Variants in MTTP observed in about 807,000 individuals in gnomAD.
MTTP encodes the protein microsomal triglyceride transfer protein large subunit.
A neutral mutation model predicts 90.6 loss-of-function variants in MTTP; 49 were observed. The observed-to-expected ratio is 0.54, with a 90% CI of 0.43 to 0.69. The LOEUF is 0.69. Among genes scored for constraint, MTTP ranks in the 30% least tolerant of loss-of-function variants. MTTP has a pLI of 0.00. For synonymous variants in MTTP, 347 were observed against 384.2 expected (o/e 0.90, Z 1.13); for missense variants, 945 against 1,067.5 (o/e 0.89, Z 1.60).
chr4:99,583,853 A>G (rs78395459), intron 3 of MTTP: 9,050 of 463,956 alleles, frequency 0.02, 120 homozygotes, highest in Admixed American at 0.025. Context: ...AAGTCATCAA[A>G]GCATGATTGG....
chr4:99,581,390 T>C (rs1725108409), intron 1 of MTTP, among the ~76,000 whole-genome samples: 1 of 152,260 alleles, frequency 6.6e-6, no homozygotes. Context: ...AAAAGTTTGA[T>C]AATTACATTA....
rs747392213 is a variant in MTTP, at chr4:99,621,252, C to T, written c.2513+21C>T. ...TTCAGGTAAGATGCAGCGTTCAGGTCATGTTCCAGGACCATCCCCAGTGCA... is the reference window on the plus strand; with the variant it reads ...TTCAGGTAAGATGCAGCGTTCAGGTTATGTTCCAGGACCATCCCCAGTGCA... On this transcript the variant is annotated intron_variant, in intron 17 of 17. Transcript: ENST00000265517. 9.3e-6 allele frequency: 15 copies of T among 1,613,394 alleles called. No individual in the cohort carries two copies. In the South Asian group the frequency reaches 1.6e-4, roughly 18 times the overall value.
intron 1 of MTTP, among the ~76,000 whole-genome samples, chr4:99,567,109 C>T (rs1050161262): frequency 6.6e-6 from 1 of 151,952 alleles, no homozygotes; most frequent in Non-Finnish European, 1.5e-5. Flanking sequence ...CGACTGACTC[C>T]AAAAATACAG....
At chr4:99,593,275 T>C (rs193264908) in intron 6 of MTTP, among the ~76,000 whole-genome samples, 1 of 152,320 alleles carries the variant, frequency 6.6e-6, no homozygotes, top group African/African-American at 2.4e-5. Context: ...TGAACAGGTT[T>C]TAAGTTTTAA....
In MTTP at chr4:99,575,347, T is replaced by A. The variant is rs189624112; in HGVS notation, c.61+377T>A. Among the ~76,000 whole-genome samples the A allele has an allele frequency of 2.2e-3, 334 of 152,264 alleles. 6 individuals carry two copies. Among genetic ancestry groups the A allele is most frequent in the Admixed American group, 0.02 (313 of 15,294 alleles). ...TTGAATTGTAAATGAGGATTTTTTT[T>A]AAAAACCGAGTTCTTAAATTTTCTT... On this transcript the variant is annotated intron_variant, in intron 1 of 17. Transcript: ENST00000265517.
At chr4:99,576,289 C>A (rs987281356) in intron 1 of MTTP, among the ~76,000 whole-genome samples, 1 of 152,112 alleles carries the variant, frequency 6.6e-6, no homozygotes, top group Non-Finnish European at 1.5e-5. Context: ...AAACCTAATA[C>A]CATAAGTATT....
At chr4:99,589,795 G>T (rs1254713697) in intron 4 of MTTP, 45 bp downstream of exon 4, 2 of 1,265,658 alleles carry the variant, frequency 1.6e-6, no homozygotes, top group African/African-American at 1.5e-5. Flanking sequence ...AATAAAATTT[G>T]TAAGGATTTC....
chr4:99,574,321 A>C (rs1459323866), upstream of MTTP, among the ~76,000 whole-genome samples: 4 of 152,328 alleles, frequency 2.6e-5, no homozygotes, highest in East Asian at 7.7e-4. Flanking sequence ...ATTATTTTGA[A>C]GTGATTGGTG....
At chr4:99,603,272 A>G (rs1182959625) in intron 10 of MTTP, among the ~76,000 whole-genome samples, 1 of 152,134 alleles carries the variant, frequency 6.6e-6, no homozygotes, top group Non-Finnish European at 1.5e-5. Flanking sequence ...ATGGAAGGTG[A>G]GCCAGATCTT....
At chr4:99,604,948 C>T (rs544953317) in intron 10 of MTTP, among the ~76,000 whole-genome samples, 9 of 152,242 alleles carry the variant, frequency 5.9e-5, no homozygotes, top group Admixed American at 3.9e-4. Flanking sequence ...TATATTCCAT[C>T]GCATGTACAC....
At chr4:99,574,214 G>T (rs1461011945), upstream of MTTP, among the ~76,000 whole-genome samples, 2 of 152,190 alleles carry the variant, frequency 1.3e-5, no homozygotes, top group Non-Finnish European at 2.9e-5. Context: ...GCTTGCTAGT[G>T]TGCTAATGAC....
intron 1 of MTTP, among the ~76,000 whole-genome samples, chr4:99,577,597 C>A (rs1724996500): frequency 1.1e-5 from 1 of 94,788 alleles, no homozygotes. Context: ...AAGAGCGAAA[C>A]TCTGTTTCAA....
Position 99,623,205 on chromosome 4 carries a change from T to C in MTTP, c.*357T>C, listed in dbSNP as rs953355690. On this transcript the variant is annotated 3_prime_UTR_variant, in exon 18 of 18. Coordinates refer to ENST00000265517, the MANE Select transcript of MTTP (RefSeq NM_001386140.1). ...GGAGAACCCAATTTTGTTTCAACAA[T>C]TTTTGATCAATGTATATGAAGCTCT... The C allele has an allele frequency of 1.6e-5, 5 of 318,590 alleles. No individual in the cohort carries two copies. The highest frequency in any genetic ancestry group is 3.0e-5 in the Non-Finnish European group (5 of 165,808). 19.7% of individuals were successfully genotyped at this position (318,590 alleles called of 1,614,324 possible). A position where few individuals can be genotyped will look rare whatever the true frequency, so the allele number is the denominator to read the frequency against.
intron 1 of MTTP, among the ~76,000 whole-genome samples, chr4:99,566,299 A>G (rs1015103067): frequency 9.3e-5 from 12 of 129,412 alleles, no homozygotes; most frequent in Non-Finnish European, 1.9e-4. Context: ...AAAAAAAAGA[A>G]AAAAAAAAAA....
chr4:99,571,151 T>C (rs1724833175), upstream of MTTP, among the ~76,000 whole-genome samples: 1 of 151,982 alleles, frequency 6.6e-6, no homozygotes, highest in African/African-American at 2.4e-5. Flanking sequence ...TTTAACATTT[T>C]TTATTTTCTT....
intron 15 of MTTP, among the ~76,000 whole-genome samples, chr4:99,616,951 C>T (rs1252272863): frequency 6.6e-6 from 1 of 152,166 alleles, no homozygotes. Flanking sequence ...TCACAGGCCT[C>T]TGCTGGACTG....
At position 99,623,155 on chromosome 4, in the gene MTTP, C is replaced by A; in HGVS notation, c.*307C>A. ...AGAGGAAACTAGTGTTTGTTAAAAA[C>A]AAAAATAAAAACAAAACCACACAAG... On this transcript the variant is annotated 3_prime_UTR_variant, in exon 18 of 18. Coordinates refer to ENST00000265517, the MANE Select transcript of MTTP (RefSeq NM_001386140.1). 7.9e-6 allele frequency: 3 copies of A among 380,922 alleles called. No individual in the cohort carries two copies. Among genetic ancestry groups the A allele is most frequent in the Non-Finnish European group, 1.5e-5 (3 of 204,002 alleles). The allele number at this position is 380,922 out of a possible 1,614,324, so 23.6% of individuals were successfully genotyped here.
Position 99,597,191 on chromosome 4 carries a change from T to G in MTTP, c.1034T>G (p.Leu345Arg), listed in dbSNP as rs1249469551. Residue 345 changes from leucine to arginine, a missense_variant, in exon 8 of 18, where the codon CTT becomes CGT. Leu to Arg is a moderately radical substitution (Grantham distance 102). Coordinates refer to ENST00000265517, the MANE Select transcript of MTTP (RefSeq NM_001386140.1). ...HLRTAKKEEI[L>R]QILKMENKEV... ...AGGACTGCGAAGAAAGAAGAGATCC[T>G]TCAAATACTAAAGATGGAAAATAAG... 6.2e-7 allele frequency: 1 copy of G among 1,613,788 alleles called. No individual in the cohort carries two copies. Among genetic ancestry groups the G allele is most frequent in the Non-Finnish European group, 8.5e-7 (1 of 1,179,888 alleles).
chr4:99,579,548 CAGAG>C (rs963778753), intron 1 of MTTP, among the ~76,000 whole-genome samples: 1 of 152,180 alleles, frequency 6.6e-6, no homozygotes, highest in African/African-American at 2.4e-5. Flanking sequence ...CACCTTTCCA[CAGAG>C]GTTTTTCTCT....
Sources: gnomAD v4.1 joint callset for allele counts (sites outside exome capture counted in the v4.1 genomes callset) on GRCh38, gnomAD v4.1.1 for gene constraint, MANE v1.5 for transcripts, NCBI Gene and HGNC (gene_info 2026-07-23, HGNC 2026-07-21) for gene names.